The following KIF6 variants were observed in gnomAD, a reference collection of about 807,000 sequenced individuals.
The protein encoded by KIF6 is kinesin-like protein KIF6.
In KIF6, 106 loss-of-function variants were observed where a neutral mutation model predicts 112.7. The ratio of observed to expected loss-of-function variants is 0.94; its 90% CI spans 0.80 to 1.11. The LOEUF is 1.11. KIF6 is among the 50% of genes least tolerant of loss of function. KIF6 has a pLI of 0.00. For synonymous variants in KIF6, 339 were observed against 339.9 expected (o/e 1.00, Z 0.03); for missense variants, 929 against 964.0 (o/e 0.96, Z 0.48).
intron 13 of KIF6, among the ~76,000 whole-genome samples, chr6:39,491,241 C>T (rs1775466005): frequency 6.6e-6 from 1 of 152,004 alleles, no homozygotes; most frequent in Non-Finnish European, 1.5e-5. Flanking sequence ...AGCAATCTGG[C>T]TGCTTTGATG....
At chr6:39,569,062 T>A (rs1487537443) in intron 10 of KIF6, among the ~76,000 whole-genome samples, 1 of 152,218 alleles carries the variant, frequency 6.6e-6, no homozygotes, top group East Asian at 1.9e-4. Context: ...CAGTGAAGAT[T>A]CTTGCAGAGT....
intron 15 of KIF6, among the ~76,000 whole-genome samples, chr6:39,388,468 G>T (rs2150318666): frequency 6.6e-6 from 1 of 152,184 alleles, no homozygotes; most frequent in East Asian, 1.9e-4. Flanking sequence ...GATAAAGGTT[G>T]TTTTACAATG....
At chr6:39,396,075 T>G (rs1196387454) in intron 15 of KIF6, among the ~76,000 whole-genome samples, 1 of 152,194 alleles carries the variant, frequency 6.6e-6, no homozygotes, top group African/African-American at 2.4e-5. Context: ...CTGGACAAAC[T>G]TCCAGCTGGC....
chr6:39,681,368 T>C lies in KIF6; in HGVS notation c.251+33324A>G, dbSNP rs567335224. ...CTGTATTCTGTTTTGTTTTGTTTCA[T>C]TTTCTGGCCCTTGTTCATGTATATT... On this transcript the variant is annotated intron_variant, in intron 3 of 22. Coordinates refer to ENST00000287152, the MANE Select transcript of KIF6 (RefSeq NM_145027.6). Among the ~76,000 whole-genome samples the C allele has an allele frequency of 1.6e-3, 237 of 152,322 alleles. 2 individuals are homozygous for C. Among genetic ancestry groups the C allele is most frequent in the Middle Eastern group, 0.01 (3 of 294 alleles).
At chr6:39,460,536 T>TAAAAAAAAAAAAAAAAAAAAAAAAAAAAA (rs759528125) in intron 13 of KIF6, among the ~76,000 whole-genome samples, 1 of 57,078 alleles carries the variant, frequency 1.8e-5, no homozygotes, top group Non-Finnish European at 3.2e-5. Flanking sequence ...AAAAAAAAAG[T>TAAAAAAAAAAAAAAAAAAAAAAAAAAAAA]AAAAAAAAAA....
intron 15 of KIF6, among the ~76,000 whole-genome samples, chr6:39,407,608 C>T (rs775615349): frequency 3.9e-5 from 6 of 152,218 alleles, no homozygotes; most frequent in Non-Finnish European, 8.8e-5. Context: ...ATTCATGCAT[C>T]ATTGGTAATG....
chr6:39,410,138 T>C (rs553461729), intron 15 of KIF6, among the ~76,000 whole-genome samples: 1 of 152,366 alleles, frequency 6.6e-6, no homozygotes, highest in East Asian at 1.9e-4. Context: ...TGGCTCTGCA[T>C]CCAGGAGTCC....
chr6:39,662,621 A>G (rs565283303), intron 3 of KIF6, among the ~76,000 whole-genome samples: 6 of 152,294 alleles, frequency 3.9e-5, no homozygotes, highest in African/African-American at 1.4e-4. Context: ...AAGTCCTTTT[A>G]AAGATTTATC....
chr6:39,598,487 G>A (rs1782401834), intron 6 of KIF6, among the ~76,000 whole-genome samples: 1 of 152,000 alleles, frequency 6.6e-6, no homozygotes, highest in Non-Finnish European at 1.5e-5. Context: ...GATAATATGT[G>A]GCGAAGTTCC....
intron 3 of KIF6, among the ~76,000 whole-genome samples, chr6:39,654,960 T>A (rs1281910869): frequency 6.6e-6 from 1 of 152,198 alleles, no homozygotes; most frequent in Non-Finnish European, 1.5e-5. Context: ...CAAACAGTGC[T>A]GGAAGGAACA....
At chr6:39,602,669 G>A (rs190075018) in intron 6 of KIF6, among the ~76,000 whole-genome samples, 22 of 152,274 alleles carry the variant, frequency 1.4e-4, no homozygotes, top group Admixed American at 1.2e-3. Flanking sequence ...GTTCATTTGA[G>A]TCTAAAAATT....
chr6:39,376,088 A>G (rs982348929), intron 16 of KIF6, among the ~76,000 whole-genome samples: 8 of 152,172 alleles, frequency 5.3e-5, no homozygotes, highest in Non-Finnish European at 2.9e-5. Flanking sequence ...CCCTATATTC[A>G]CAAGCAACTG....
rs1385419114 is a variant in KIF6, at chr6:39,604,999, A to G, written c.639+8190T>C. ...TAAAGTCAAACACATTTATATCAAAATCTAAGTCGGCTAAATTGTGGTACA... is the reference window on the plus strand; with the variant it reads ...TAAAGTCAAACACATTTATATCAAAGTCTAAGTCGGCTAAATTGTGGTACA... On this transcript the variant is annotated intron_variant, in intron 6 of 22. Transcript: ENST00000287152. Among the ~76,000 whole-genome samples, 7 of 152,292 alleles carry G rather than the reference A, an allele frequency of 4.6e-5. No homozygotes were observed. The East Asian group carries it at 1.2e-3, about 25-fold the overall frequency.
intron 5 of KIF6, among the ~76,000 whole-genome samples, chr6:39,625,675 TA>T (rs1474999008): frequency 1.3e-5 from 2 of 152,088 alleles, no homozygotes; most frequent in African/African-American, 4.8e-5. Context: ...ATGAAACATG[TA>T]ATGCAAAAGG....
At chr6:39,704,160 A>G (rs302595) in intron 3 of KIF6, among the ~76,000 whole-genome samples, 131,947 of 152,150 alleles carry the variant, frequency 0.87, 57,513 homozygotes, top group East Asian at 0.97. Flanking sequence ...TAAAAATGTC[A>G]GTGGGGAGCC....
chr6:39,531,355 GGA>G (rs1259511093), intron 13 of KIF6, among the ~76,000 whole-genome samples: 2 of 152,168 alleles, frequency 1.3e-5, no homozygotes, highest in Non-Finnish European at 2.9e-5. Flanking sequence ...TTATAAGGAA[GGA>G]GAGTGATTAT....
At chr6:39,479,116 C>T (rs1774634051) in intron 13 of KIF6, among the ~76,000 whole-genome samples, 1 of 151,992 alleles carries the variant, frequency 6.6e-6, no homozygotes, top group African/African-American at 2.4e-5. Flanking sequence ...TAGGTCTCAG[C>T]TATTTATCTT....
intron 3 of KIF6, among the ~76,000 whole-genome samples, chr6:39,670,043 A>T (rs907738332): frequency 6.6e-6 from 1 of 152,202 alleles, no homozygotes. Flanking sequence ...CAGATAAGTG[A>T]GAAGGTCCTT....
rs140267084 is a variant in KIF6, at chr6:39,376,794, T to C, written c.1861+8828A>G. 3.1e-3 allele frequency among the ~76,000 whole-genome samples: 469 copies of C among 152,318 alleles called. 1 individual carries two copies. The highest frequency in any genetic ancestry group is 6.8e-3 in the Middle Eastern group (2 of 294). The stretch of plus-strand genomic sequence containing the variant: ...TTGGACTATCTGACTTTGGAAATGT[T>C]TTAAACAGAGCCATGATATTGGAAG... On this transcript the variant is annotated intron_variant, in intron 16 of 22. Coordinates refer to ENST00000287152, the MANE Select transcript of KIF6 (RefSeq NM_145027.6).
Sources: gnomAD v4.1 joint callset for allele counts (sites outside exome capture counted in the v4.1 genomes callset) on GRCh38, gnomAD v4.1.1 for gene constraint, MANE v1.5 for transcripts, NCBI Gene and HGNC (gene_info 2026-07-23, HGNC 2026-07-21) for gene names.